PIAS3: variants seen among roughly 807,000 people sequenced by gnomAD.
PIAS3 encodes the protein protein inhibitor of activated STAT 3, also known as E3 SUMO-protein ligase PIAS3.
In PIAS3, 34 loss-of-function variants were observed where a neutral mutation model predicts 67.6. That is an observed-to-expected ratio of 0.50 (90% confidence interval 0.38 to 0.67). The LOEUF (loss-of-function observed/expected upper bound fraction) is 0.67. PIAS3 is among the 30% of genes least tolerant of loss of function. The pLI is 0.00. For missense variants in PIAS3, 693 were observed against 791.6 expected, an observed-to-expected ratio of 0.88 and a Z score of 1.49; for synonymous variants, 341 against 313.8, an observed-to-expected ratio of 1.09 and a Z score of -0.92.
chr1:145,854,255 G>A (rs1653072821), intron 7 of PIAS3: 3 of 604,638 alleles, frequency 5.0e-6, no homozygotes, highest in African/African-American at 1.9e-5. Flanking sequence ...ATACATGATT[G>A]GAAATTCAAG....
In PIAS3 at chr1:145,849,609, G is replaced by C; in HGVS notation, c.1724C>G (p.Pro575Arg). Residue 575 changes from proline (P) to arginine (R), a missense_variant, in exon 14 of 14, where the codon CCC (proline) becomes CGC (arginine). Physicochemically the swap from Pro to Arg is moderately radical, Grantham distance 103 (BLOSUM62 -2). Transcript: ENST00000393045. ...TPSHFLGPLA[P>R]TLGSSHCSAT... ...GCTGCAGTGGGAGCTCCCCAGCGTG[G>C]GGGCCAGTGGGCCCAGAAAGTGAGA... is the stretch of plus-strand genomic sequence containing the variant. 1.2e-6 allele frequency: 2 copies of C among 1,613,452 alleles called. No individual in the cohort carries two copies. The highest frequency in any genetic ancestry group is 1.7e-6 in the Non-Finnish European group (2 of 1,179,714).
rs1309755132 is a variant in PIAS3 at position 145,856,821 on chromosome 1, C to T, written c.210G>A (p.Leu70=). The T allele has an allele frequency of 1.7e-5, 28 of 1,614,038 alleles. No homozygotes were observed. Among genetic ancestry groups the T allele is most frequent in the Non-Finnish European group, 2.1e-5 (25 of 1,180,020 alleles). Residue 70 remains leucine (L), a synonymous_variant, in exon 2 of 14, where the codon CTG becomes CTA. Transcript: ENST00000393045. ...AGAGAAGGGAGAGATCAGAGGGCCCCAGGGTCTTCCGGGGAAAGCGTCGTC... is the reference window on the plus strand; with the variant it reads ...AGAGAAGGGAGAGATCAGAGGGCCCTAGGGTCTTCCGGGGAAAGCGTCGTC... ...LYRRRFPRKT[L]GPSDLSLLSL...
chr1:145,856,816 G>A lies in PIAS3; in HGVS notation c.215C>T (p.Pro72Leu). 1 of 1,614,088 alleles carries A rather than the reference G, an allele frequency of 6.2e-7. No homozygotes were observed. ...CAAAGAGAGAAGGGAGAGATCAGAG[G>A]GCCCCAGGGTCTTCCGGGGAAAGCG... The part of the protein sequence containing the change: ...RRRFPRKTLG[P>L]SDLSLLSLPP... Residue 72 changes from proline (P) to leucine (L), a missense_variant, in exon 2 of 14, where the codon CCC (proline) becomes CTC (leucine). By Grantham distance (98) the Pro-to-Leu change is moderately conservative. This residue lies in a region of PIAS3 where 308 missense variants were observed against 348.8 expected (regional missense o/e 0.88). Transcript: ENST00000393045.
chr1:145,852,251 C>T (rs1652992442), intron 9 of PIAS3, among the ~76,000 whole-genome samples: 1 of 152,092 alleles, frequency 6.6e-6, no homozygotes, highest in Non-Finnish European at 1.5e-5. Context: ...GAACGAGACC[C>T]TGTCTCAAAA....
At position 145,856,803 on chromosome 1, in the gene PIAS3, G is replaced by A; in HGVS notation, c.228C>T (p.Ser76=). 6.2e-7 allele frequency: 1 copy of A among 1,614,118 alleles called. No homozygotes were observed. The change falls in exon 2 of 14, where the codon TCC becomes TCT. Residue 76 remains serine, a synonymous_variant. Coordinates refer to ENST00000393045, the MANE Select transcript of PIAS3 (RefSeq NM_006099.3). ...AGGTGCCAGGGGGCAAAGAGAGAAGGGAGAGATCAGAGGGCCCCAGGGTCT... is the reference window on the plus strand; with the variant it reads ...AGGTGCCAGGGGGCAAAGAGAGAAGAGAGAGATCAGAGGGCCCCAGGGTCT... ...PRKTLGPSDL[S]LLSLPPGTSP... is the part of the protein sequence containing the mutation.
chr1:145,848,727 A>G lies in PIAS3; in HGVS notation c.*719T>C. ...TGAGCCTCTAGAAGCTTAGGGGGGA[A>G]TAAGAAACACTGTGAACTTAGATAT... On this transcript the variant is annotated 3_prime_UTR_variant, in exon 14 of 14. Transcript: ENST00000393045. The G allele has an allele frequency of 2.2e-6, 1 of 446,290 alleles. No individual in the cohort carries two copies. 27.6% of individuals were successfully genotyped at this position (446,290 alleles called of 1,614,324 possible). A position where few individuals can be genotyped will look rare whatever the true frequency, so the allele number is the denominator to read the frequency against.
chr1:145,857,403 C>T (rs1653236020), intron 1 of PIAS3: 1 of 209,718 alleles, frequency 4.8e-6, no homozygotes, highest in Non-Finnish European at 9.9e-6. Flanking sequence ...GACTCTCAAA[C>T]CCATCCCAGC....
chr1:145,850,265 T>G lies in PIAS3; in HGVS notation c.1587A>C (p.Leu529Phe), dbSNP rs375784174. 48 of 1,614,018 alleles carry G rather than the reference T, an allele frequency of 3.0e-5. No homozygotes were observed. The highest frequency in any genetic ancestry group is 3.9e-5 in the Non-Finnish European group (46 of 1,180,012). ...AFPLGADIQG[L>F]DLFSFLQTES... is the part of the protein sequence containing the mutation. ...CTGTCTGAAGAAATGAAAATAAATC[T>G]AAACCTGGCAGGAAAAGAAAAATCA... Residue 529 changes from leucine (L) to phenylalanine (F), a missense_variant, in exon 13 of 14, where the codon TTA becomes TTC. Leu to Phe is a conservative substitution (Grantham distance 22). Around this residue, in one of 3 missense-constraint regions of PIAS3, gnomAD observed 270 missense variants for 261.0 expected, o/e 1.03. Transcript: ENST00000393045.
rs1553734238 is a variant in PIAS3 at position 145,851,050 on chromosome 1, C to A, written c.1249G>T (p.Val417Phe). Residue 417 changes from valine (V) to phenylalanine (F), a missense_variant, in exon 10 of 14, where the codon GTT (valine) becomes TTT (phenylalanine). Physicochemically the swap from Val to Phe is conservative, Grantham distance 50 (BLOSUM62 -1). Transcript: ENST00000393045. ...PMKPKKEASE[V>F]CPPPGYGLDG... ...AGCCCATACCCTGGCGGGGGGCAAA[C>A]CTCAGATGCCTCCTTCTTGGGTTTC... The A allele has an allele frequency of 6.2e-7, 1 of 1,614,104 alleles. No homozygotes were observed. Among genetic ancestry groups the A allele is most frequent in the South Asian group, 1.1e-5 (1 of 91,092 alleles).
At chr1:145,854,657 G>A (rs1184332019) in intron 6 of PIAS3, 89 bp downstream of exon 6, 23 of 1,596,272 alleles carry the variant, frequency 1.4e-5, no homozygotes, top group African/African-American at 4.0e-5. Flanking sequence ...GACTCATAAA[G>A]AGGAAAATGC....
intron 2 of PIAS3, 34 bp from the exon 3 acceptor site, chr1:145,856,465 A>G (rs781962456): frequency 6.2e-7 from 1 of 1,606,768 alleles, no homozygotes; most frequent in Non-Finnish European, 8.5e-7. Flanking sequence ...TTCCAAGCCC[A>G]TGCACAGGCA....
intron 2 of PIAS3, 40 bp from the exon 3 acceptor site, chr1:145,856,471 A>T: frequency 6.2e-7 from 1 of 1,603,370 alleles, no homozygotes; most frequent in Non-Finnish European, 8.5e-7. Flanking sequence ...GCCCATGCAC[A>T]GGCAGCCACA....
chr1:145,848,529 C>A lies in PIAS3; in HGVS notation c.*917G>T. 1 of 1,266,490 alleles carries A rather than the reference C, an allele frequency of 7.9e-7. No individual in the cohort carries two copies. Among genetic ancestry groups the A allele is most frequent in the Non-Finnish European group, 1.1e-6 (1 of 877,532 alleles). 78.5% of individuals were successfully genotyped at this position (1,266,490 alleles called of 1,614,324 possible). A position where few individuals can be genotyped will look rare whatever the true frequency, so the allele number is the denominator to read the frequency against. On this transcript the variant is annotated 3_prime_UTR_variant, in exon 14 of 14. Transcript: ENST00000393045. ...ATCTCCATGACACTCACAGAACATT[C>A]ACAACCTTTATTATGGGTGAGAGCT...
intron 1 of PIAS3, among the ~76,000 whole-genome samples, chr1:145,858,737 C>A (rs1434102221): frequency 1.4e-5 from 2 of 147,188 alleles, no homozygotes; most frequent in African/African-American, 5.0e-5. Context: ...CAGCCCCCAA[C>A]AGCTGCAATT....
rs782796769 is a variant in PIAS3, at chr1:145,854,213, G to A, written c.910+245C>T. On this transcript the variant is annotated intron_variant, in intron 7 of 13. Transcript: ENST00000393045. ...TCCGGAGAGCCCATATTCTAGCAGG[G>A]CTGGAGTTAGGGACTGTGAGGTGCA... is the stretch of plus-strand genomic sequence containing the variant. The A allele has an allele frequency of 2.5e-4, 149 of 597,766 alleles. 1 individual carries two copies. Among genetic ancestry groups the A allele is most frequent in the South Asian group, 1.3e-3 (66 of 48,978 alleles). 37.0% of individuals were successfully genotyped at this position (597,766 alleles called of 1,614,324 possible). A position where few individuals can be genotyped will look rare whatever the true frequency, so the allele number is the denominator to read the frequency against.
At position 145,856,716 on chromosome 1, in the gene PIAS3, G is replaced by C; in HGVS notation, c.315C>G (p.Thr105=). 6.2e-7 allele frequency: 1 copy of C among 1,613,342 alleles called. No individual in the cohort carries two copies. Among genetic ancestry groups the C allele is most frequent in the South Asian group, 1.1e-5 (1 of 91,080 alleles). Reference sequence around the variant, plus strand: ...CCACCTCACGCTTGGGGCCCAGCAGGGTGCCAGGGGCCAACAGCGTTGGGG... The same window carrying C: ...CCACCTCACGCTTGGGGCCCAGCAGCGTGCCAGGGGCCAACAGCGTTGGGG... ...PIPPTLLAPG[T]LLGPKREVDM... The change falls in exon 2 of 14, where the codon ACC becomes ACG. Residue 105 remains threonine, a synonymous_variant. Coordinates refer to ENST00000393045, the MANE Select transcript of PIAS3 (RefSeq NM_006099.3).
At chr1:145,858,733 C>T (rs1341890309) in intron 1 of PIAS3, among the ~76,000 whole-genome samples, 6 of 149,656 alleles carry the variant, frequency 4.0e-5, no homozygotes, top group African/African-American at 1.5e-4. Flanking sequence ...GCCTCAGCCC[C>T]CAACAGCTGC....
intron 6 of PIAS3, 29 bp from the exon 7 acceptor site, chr1:145,854,592 G>C: frequency 6.4e-7 from 1 of 1,572,114 alleles, no homozygotes; most frequent in South Asian, 1.1e-5. Flanking sequence ...TAGACAATTA[G>C]CCTCTGCTTC....
chr1:145,852,180 G>A (rs1652989597), intron 9 of PIAS3, among the ~76,000 whole-genome samples: 3 of 152,042 alleles, frequency 2.0e-5, no homozygotes, highest in African/African-American at 7.2e-5. Context: ...ATCACTTGAG[G>A]CCAGGAGGTC....
Sources: allele counts gnomAD v4.1 joint callset (sites outside exome capture counted in the v4.1 genomes callset), GRCh38; gene constraint gnomAD v4.1.1; regional missense constraint gnomAD v4.1.1; transcripts MANE v1.5; gene names NCBI Gene and HGNC (gene_info 2026-07-23, HGNC 2026-07-21).